IL1R1: variants seen among roughly 807,000 people sequenced by gnomAD.
IL1R1 encodes the protein interleukin 1 receptor type 1, also known as interleukin-1 receptor type 1.
A neutral mutation model predicts 50.2 loss-of-function variants in IL1R1; 22 were observed. The ratio of observed to expected loss-of-function variants is 0.44; its 90% CI spans 0.31 to 0.63. The LOEUF (loss-of-function observed/expected upper bound fraction) is 0.63, where lower values mean the gene tolerates loss of function less well. Among genes scored for constraint, IL1R1 ranks in the 20% least tolerant of loss-of-function variants. The pLI, the probability that IL1R1 is intolerant of heterozygous loss-of-function variation, is 0.07. For synonymous variants in IL1R1, 251 were observed against 236.7 expected, an observed-to-expected ratio of 1.06 and a Z score of -0.55; for missense variants, 509 against 676.2, an observed-to-expected ratio of 0.75 and a Z score of 2.74.
At chr2:102,109,844 G>A (rs924435548) in intron 1 of IL1R1, among the ~76,000 whole-genome samples, 22 of 152,182 alleles carry the variant, frequency 1.4e-4, no homozygotes, top group African/African-American at 4.8e-4. Flanking sequence ...GATGGAGTAT[G>A]GTGAGTGCTA....
At chr2:102,157,161 T>C (rs1684272925) in intron 2 of IL1R1, among the ~76,000 whole-genome samples, 1 of 152,194 alleles carries the variant, frequency 6.6e-6, no homozygotes, top group Non-Finnish European at 1.5e-5. Flanking sequence ...CAACCCAATT[T>C]TAATGTTGTT....
chr2:102,144,420 C>G (rs1439692783), intron 1 of IL1R1, among the ~76,000 whole-genome samples: 1 of 152,098 alleles, frequency 6.6e-6, no homozygotes, highest in Non-Finnish European at 1.5e-5. Flanking sequence ...GCAGCACCCC[C>G]ATTTCTAATA....
intron 1 of IL1R1, among the ~76,000 whole-genome samples, chr2:102,136,479 C>T (rs182708908): frequency 5.5e-5 from 8 of 146,494 alleles, no homozygotes; most frequent in South Asian, 2.1e-4. Context: ...TGGGTTCAAG[C>T]GATTCTCTTG....
intron 1 of IL1R1, among the ~76,000 whole-genome samples, chr2:102,107,324 G>A (rs1680472888): frequency 6.6e-6 from 1 of 152,190 alleles, no homozygotes; most frequent in Non-Finnish European, 1.5e-5. Context: ...GAAAAAGGAT[G>A]AGTTCATGTC....
At chr2:102,115,233 C>T (rs907485579) in intron 1 of IL1R1, among the ~76,000 whole-genome samples, 3 of 152,106 alleles carry the variant, frequency 2.0e-5, no homozygotes, top group Non-Finnish European at 4.4e-5. Context: ...TAGACAGTTG[C>T]CGAGTCAGTA....
intron 2 of IL1R1, among the ~76,000 whole-genome samples, chr2:102,154,433 C>T (rs1683976624): frequency 6.6e-6 from 1 of 152,222 alleles, no homozygotes; most frequent in Admixed American, 6.5e-5. Flanking sequence ...GTCTATGACA[C>T]TGTGGGTGAC....
intron 1 of IL1R1, among the ~76,000 whole-genome samples, chr2:102,071,869 G>A (rs1008756058): frequency 6.6e-6 from 1 of 152,156 alleles, no homozygotes; most frequent in South Asian, 2.1e-4. Context: ...GGCTGCCAAG[G>A]GCCATCTTCC....
intron 1 of IL1R1, among the ~76,000 whole-genome samples, chr2:102,106,119 G>C (rs1452119424): frequency 1.3e-5 from 2 of 152,148 alleles, no homozygotes; most frequent in Non-Finnish European, 2.9e-5. Flanking sequence ...GTGTTGGTGA[G>C]GGTGTGAGGA....
chr2:102,127,643 ATGTGTGTGTGTGACTGTG>A lies in IL1R1; in HGVS notation c.-84+22784_-84+22801del, dbSNP rs1342425482. ...AGTAGGGACTTCAGGTAAGACAGAG[ATGTGTGTGTGTGACTGTG>A]TGTGTGTGTGTGTGTGTGTGTGTGT... On this transcript the variant is annotated intron_variant, in intron 1 of 10. Coordinates refer to the IL1R1 transcript ENST00000409329. Among the ~76,000 whole-genome samples the A allele has an allele frequency of 1.4e-3, 191 of 141,206 alleles. 1 individual carries two copies. Among genetic ancestry groups the A allele is most frequent in the African/African-American group, 4.8e-3 (174 of 36,578 alleles). 92.6% of individuals were successfully genotyped at this position (141,206 alleles called of 152,430 possible).
At chr2:102,071,649 C>T (rs1201155997) in intron 1 of IL1R1, among the ~76,000 whole-genome samples, 1 of 152,118 alleles carries the variant, frequency 6.6e-6, no homozygotes, top group East Asian at 1.9e-4. Flanking sequence ...TAATATTTGG[C>T]ATTTCCCTGT....
At chr2:102,081,626 A>G (rs1230844984) in intron 1 of IL1R1, among the ~76,000 whole-genome samples, 1 of 152,226 alleles carries the variant, frequency 6.6e-6, no homozygotes, top group East Asian at 1.9e-4. Flanking sequence ...CCTGACAAAG[A>G]AAAGGGCTAG....
intron 1 of IL1R1, among the ~76,000 whole-genome samples, chr2:102,082,881 A>G (rs1274311110): frequency 2.0e-5 from 3 of 152,124 alleles, no homozygotes; most frequent in Non-Finnish European, 4.4e-5. Flanking sequence ...TCTAATCACT[A>G]AGCATGTTAG....
intron 1 of IL1R1, among the ~76,000 whole-genome samples, chr2:102,098,673 A>G (rs1680007136): frequency 1.3e-5 from 2 of 152,224 alleles, no homozygotes; most frequent in Admixed American, 1.3e-4. Flanking sequence ...AAAAGAGATT[A>G]CAAAGATGTA....
At chr2:102,117,696 C>A (rs1681162729) in intron 1 of IL1R1, among the ~76,000 whole-genome samples, 1 of 152,076 alleles carries the variant, frequency 6.6e-6, no homozygotes. Flanking sequence ...TGTGTGGTCC[C>A]CTCAGGGAGG....
At chr2:102,079,026 T>C (rs1264222177) in intron 1 of IL1R1, among the ~76,000 whole-genome samples, 1 of 152,096 alleles carries the variant, frequency 6.6e-6, no homozygotes, top group Non-Finnish European at 1.5e-5. Context: ...AAATGTCTGA[T>C]AAAATCTGAC....
chr2:102,148,318 C>G (rs6754776), intron 1 of IL1R1, among the ~76,000 whole-genome samples: 28,416 of 152,128 alleles, frequency 0.19, 3,469 homozygotes, highest in African/African-American at 0.34. Flanking sequence ...GTAGGTCACT[C>G]CCTCTAATTT....
intron 1 of IL1R1, among the ~76,000 whole-genome samples, chr2:102,132,761 A>G (rs897889786): frequency 6.6e-5 from 10 of 152,320 alleles, no homozygotes; most frequent in Non-Finnish European, 8.8e-5. Flanking sequence ...GGAACTAGGT[A>G]ATATCACTAT....
intron 1 of IL1R1, among the ~76,000 whole-genome samples, chr2:102,074,644 A>T (rs1678884130): frequency 6.6e-6 from 1 of 152,214 alleles, no homozygotes; most frequent in Admixed American, 6.5e-5. Flanking sequence ...GGCGAAAGTG[A>T]CAAAGAATTT....
chr2:102,150,702 G>A (rs145419925), intron 1 of IL1R1, among the ~76,000 whole-genome samples: 52 of 152,278 alleles, frequency 3.4e-4, no homozygotes, highest in Middle Eastern at 6.8e-3. Flanking sequence ...CAAGGCCTCC[G>A]GAAGTGGGGA....
Sources: allele counts gnomAD v4.1 joint callset (sites outside exome capture counted in the v4.1 genomes callset), GRCh38; gene constraint gnomAD v4.1.1; transcripts MANE v1.5; gene names NCBI Gene and HGNC (gene_info 2026-07-23, HGNC 2026-07-21).